Variants in VAT1L observed in about 807,000 individuals in gnomAD.
VAT1L encodes putative NADPH-dependent quinone oxidoreductase VAT1L.
VAT1L carries 34 observed loss-of-function variants against 44.1 expected under a neutral mutation model. The ratio of observed to expected loss-of-function variants is 0.77; its 90% CI spans 0.59 to 1.03. VAT1L has a LOEUF of 1.03. Ranked by LOEUF, VAT1L falls within the 50% of genes least tolerant of loss-of-function variation. VAT1L has a pLI of 0.00. For missense variants in VAT1L, 615 were observed against 538.8 expected (o/e 1.14, Z -1.40); for synonymous variants, 253 against 202.2 (o/e 1.25, Z -2.13).
Position 77,971,950 on chromosome 16 carries a change from G to A in VAT1L, c.1161+17G>A, listed in dbSNP as rs778854628. On this transcript the variant is annotated intron_variant, in intron 8 of 8. Coordinates refer to ENST00000302536, the MANE Select transcript of VAT1L (RefSeq NM_020927.3). The stretch of plus-strand genomic sequence containing the variant: ...ACTCCACTGGTGAGTGAAAAGCAGA[G>A]GAGTCTGTTCAGTTCCACGCGAGAG... The A allele has an allele frequency of 1.2e-6, 2 of 1,611,680 alleles. No homozygotes were observed. The highest frequency in any genetic ancestry group is 1.7e-6 in the Non-Finnish European group (2 of 1,178,766).
At chr16:77,924,187 T>C (rs1371269691) in intron 7 of VAT1L, among the ~76,000 whole-genome samples, 1 of 152,070 alleles carries the variant, frequency 6.6e-6, no homozygotes, top group Non-Finnish European at 1.5e-5. Flanking sequence ...GTTGTGGTCT[T>C]TGAAAGTCTG....
chr16:77,816,674 C>T (rs563644492), intron 1 of VAT1L, among the ~76,000 whole-genome samples: 1 of 152,206 alleles, frequency 6.6e-6, no homozygotes, highest in Admixed American at 6.5e-5. Context: ...TCTGCAACTA[C>T]TGTTTTCATT....
Position 77,939,177 on chromosome 16 carries a change from A to AC in VAT1L, c.1078-32672dup, listed in dbSNP as rs1383603508. On this transcript the variant is annotated intron_variant, in intron 7 of 8. Coordinates refer to ENST00000302536, the MANE Select transcript of VAT1L (RefSeq NM_020927.3). The stretch of plus-strand genomic sequence containing the variant: ...AATTCGTGACGACCTCTCCAGGCTA[A>AC]CTCTGGGAAAATGCTTGTTTAAACC... Among the ~76,000 whole-genome samples the AC allele has an allele frequency of 1.3e-5, 2 of 152,146 alleles. 1 individual carries two copies. Among genetic ancestry groups the AC allele is most frequent in the Non-Finnish European group, 2.9e-5 (2 of 68,032 alleles).
rs1250364433 is a variant in VAT1L, at chr16:77,978,328, G to C, written c.*633G>C. On this transcript the variant is annotated 3_prime_UTR_variant, in exon 9 of 9. Coordinates refer to ENST00000302536, the MANE Select transcript of VAT1L (RefSeq NM_020927.3). Reference sequence around the variant, plus strand: ...ACTGGCTCTTATCTGTAAACACAGGGAGGCAGGTATGGATTTTTCACAGTA... The same window carrying C: ...ACTGGCTCTTATCTGTAAACACAGGCAGGCAGGTATGGATTTTTCACAGTA... The C allele has an allele frequency of 6.6e-6, 1 of 152,332 alleles. No individual in the cohort carries two copies. The allele number at this position is 152,332 out of a possible 1,614,324, so 9.4% of individuals were successfully genotyped here.
chr16:77,893,023 G>A (rs373961884), intron 7 of VAT1L: 11 of 575,366 alleles, frequency 1.9e-5, no homozygotes, highest in East Asian at 2.9e-5. Flanking sequence ...TTGTGCGCTC[G>A]CTGCAGTTCC....
At chr16:77,876,585 G>A in intron 5 of VAT1L, 112 bp downstream of exon 5, 2 of 884,202 alleles carry the variant, frequency 2.3e-6, no homozygotes, top group Non-Finnish European at 3.6e-6. Flanking sequence ...GTGGGATGGG[G>A]GTGTTTCATT....
chr16:77,942,607 C>A (rs1458743237), intron 7 of VAT1L, among the ~76,000 whole-genome samples: 2 of 152,200 alleles, frequency 1.3e-5, no homozygotes, highest in Non-Finnish European at 2.9e-5. Flanking sequence ...TGCCTCATTT[C>A]TCTTTTTCAA....
At chr16:77,794,555 G>A (rs986212344) in intron 1 of VAT1L, among the ~76,000 whole-genome samples, 1 of 152,192 alleles carries the variant, frequency 6.6e-6, no homozygotes, top group Admixed American at 6.5e-5. Flanking sequence ...AAACAACAGA[G>A]CATTAAACTG....
intron 3 of VAT1L, among the ~76,000 whole-genome samples, chr16:77,849,832 C>A (rs996306041): frequency 6.6e-6 from 1 of 152,204 alleles, no homozygotes; most frequent in Non-Finnish European, 1.5e-5. Context: ...CCGCCCAGAA[C>A]AGAACCTCAG....
At chr16:77,955,579 G>C (rs1455718331) in intron 7 of VAT1L, among the ~76,000 whole-genome samples, 1 of 152,138 alleles carries the variant, frequency 6.6e-6, no homozygotes, top group African/African-American at 2.4e-5. Flanking sequence ...ACAAAAATTA[G>C]CCAGGGGTGA....
intron 7 of VAT1L, among the ~76,000 whole-genome samples, chr16:77,909,491 G>A (rs986480144): frequency 1.1e-4 from 16 of 151,948 alleles, no homozygotes; most frequent in South Asian, 2.1e-4. Context: ...ACAAAAAGTA[G>A]CCAGGCGTGG....
chr16:77,943,522 C>T (rs2017918827), intron 7 of VAT1L, among the ~76,000 whole-genome samples: 1 of 151,638 alleles, frequency 6.6e-6, no homozygotes, highest in Non-Finnish European at 1.5e-5. Flanking sequence ...GCCTAAGCCT[C>T]CCTAGTAGCT....
chr16:77,882,485 C>A (rs898281048), intron 6 of VAT1L: 2 of 152,232 alleles, frequency 1.3e-5, no homozygotes, highest in Admixed American at 1.3e-4. Context: ...GCACCTCATG[C>A]GTGGCAGACA....
At chr16:77,963,508 T>C (rs1361252621) in intron 7 of VAT1L, among the ~76,000 whole-genome samples, 1 of 152,168 alleles carries the variant, frequency 6.6e-6, no homozygotes, top group Non-Finnish European at 1.5e-5. Flanking sequence ...TTTCAAACTT[T>C]TGACCTCCAG....
intron 1 of VAT1L, 151 bp from the exon 2 acceptor site, chr16:77,816,770 A>C (rs916101242): frequency 3.2e-6 from 3 of 940,274 alleles, no homozygotes; most frequent in Non-Finnish European, 4.6e-6. Context: ...ACTATTAGGG[A>C]TACTTTGCCA....
intron 7 of VAT1L, among the ~76,000 whole-genome samples, chr16:77,952,311 G>A (rs2018053544): frequency 6.6e-6 from 1 of 152,148 alleles, no homozygotes; most frequent in South Asian, 2.1e-4. Context: ...CAAATTTCAT[G>A]GTGAAATGTA....
chr16:77,799,903 C>G (rs1379540324), intron 1 of VAT1L: 1 of 152,132 alleles, frequency 6.6e-6, no homozygotes, highest in Non-Finnish European at 1.5e-5. Flanking sequence ...AAGCATGGTG[C>G]TTGGTTCACA....
chr16:77,854,983 A>G (rs1201921202), intron 3 of VAT1L, among the ~76,000 whole-genome samples: 2 of 152,154 alleles, frequency 1.3e-5, no homozygotes, highest in East Asian at 1.9e-4. Flanking sequence ...TAACTAGTCA[A>G]TGTGATCAAG....
intron 1 of VAT1L, chr16:77,801,074 C>T (rs1238899834): frequency 1.3e-5 from 2 of 152,170 alleles, no homozygotes; most frequent in Non-Finnish European, 2.9e-5. Flanking sequence ...GCTGATCTGC[C>T]CACCTTGACC....
Sources: gnomAD v4.1 joint callset for allele counts (sites outside exome capture counted in the v4.1 genomes callset) on GRCh38, gnomAD v4.1.1 for gene constraint, MANE v1.5 for transcripts, NCBI Gene and HGNC (gene_info 2026-07-23, HGNC 2026-07-21) for gene names.